The following WRN variants were observed in gnomAD, a reference collection of about 807,000 sequenced individuals.
The protein encoded by WRN is WRN RecQ like helicase.
Under a neutral mutation model 180.7 loss-of-function variants are expected in WRN, and 149 were observed. The ratio of observed to expected loss-of-function variants is 0.82; its 90% CI spans 0.72 to 0.94. The LOEUF is 0.94. Ranked by LOEUF, WRN falls within the 40% of genes least tolerant of loss-of-function variation. WRN has a pLI of 0.00. For missense variants in WRN, 1,661 were observed against 1,700.1 expected, an observed-to-expected ratio of 0.98 and a Z score of 0.40; for synonymous variants, 548 against 568.9, an observed-to-expected ratio of 0.96 and a Z score of 0.52.
At chr8:31,076,831 C>T (rs1282254181) in intron 8 of WRN, among the ~76,000 whole-genome samples, 1 of 152,102 alleles carries the variant, frequency 6.6e-6, no homozygotes, top group Non-Finnish European at 1.5e-5. Context: ...ATGGTTAAAG[C>T]ACTAGGTAAC....
intron 1 of WRN, among the ~76,000 whole-genome samples, chr8:31,038,987 T>C (rs1811550020): frequency 6.6e-6 from 1 of 152,230 alleles, no homozygotes; most frequent in Non-Finnish European, 1.5e-5. Flanking sequence ...AGCTTTGTAG[T>C]AAGTTTAGAA....
At chr8:31,115,135 A>G (rs1801471067) in intron 19 of WRN, among the ~76,000 whole-genome samples, 1 of 152,106 alleles carries the variant, frequency 6.6e-6, no homozygotes, top group African/African-American at 2.4e-5. Flanking sequence ...AGCTCAGGTA[A>G]TCCGCCCGCC....
At chr8:31,040,741 A>G (rs1392929329) in intron 1 of WRN, among the ~76,000 whole-genome samples, 3 of 152,164 alleles carry the variant, frequency 2.0e-5, no homozygotes, top group Non-Finnish European at 4.4e-5. Flanking sequence ...GTGGAAACAG[A>G]GATGCTATTA....
rs1811336338 is a variant in WRN, at chr8:31,033,845, C to CTCG, written c.-204_-202dup. 1 of 152,330 alleles carries CTCG rather than the reference C, an allele frequency of 6.6e-6. No individual in the cohort carries two copies. Among genetic ancestry groups the CTCG allele is most frequent in the Non-Finnish European group, 1.5e-5 (1 of 68,146 alleles). The allele number at this position is 152,330 out of a possible 1,614,324, so 9.4% of individuals were successfully genotyped here. A position where few individuals can be genotyped will look rare whatever the true frequency, so the allele number is the denominator to read the frequency against. On this transcript the variant is annotated 5_prime_UTR_variant, in exon 1 of 35. Coordinates refer to ENST00000298139, the MANE Select transcript of WRN (RefSeq NM_000553.6). ...TGCGCCGGGGAGGCGCCGGCTTGTA[C>CTCG]TCGGCAGCGCGGGAATAAAGTTTGC...
intron 23 of WRN, among the ~76,000 whole-genome samples, chr8:31,127,883 T>C (rs1801989938): frequency 2.0e-5 from 3 of 152,108 alleles, no homozygotes; most frequent in Admixed American, 6.5e-5. Context: ...TGAGCCATGA[T>C]GGCACCACTA....
At chr8:31,076,054 TGGAA>T in intron 7 of WRN, 115 bp from the exon 8 acceptor site, 1 of 824,536 alleles carries the variant, frequency 1.2e-6, no homozygotes, top group South Asian at 1.5e-5. Flanking sequence ...GTCTTTTTGT[TGGAA>T]TTCATTTAAG....
chr8:31,155,605 G>A (rs891716370), intron 32 of WRN, among the ~76,000 whole-genome samples: 1 of 139,088 alleles, frequency 7.2e-6, no homozygotes, highest in African/African-American at 2.7e-5. Context: ...CTGGGCGACC[G>A]AGCAAGACTC....
intron 20 of WRN, among the ~76,000 whole-genome samples, chr8:31,119,553 T>C (rs1444872340): frequency 6.6e-6 from 1 of 152,014 alleles, no homozygotes; most frequent in Non-Finnish European, 1.5e-5. Context: ...CTAATATGTT[T>C]ATGTCATAAT....
chr8:31,163,695 A>G (rs1803727342), intron 33 of WRN, among the ~76,000 whole-genome samples: 1 of 152,176 alleles, frequency 6.6e-6, no homozygotes, highest in Non-Finnish European at 1.5e-5. Context: ...CAAGCAGAAT[A>G]TAATAATGAA....
At chr8:31,151,513 T>C (rs537412831) in intron 31 of WRN, among the ~76,000 whole-genome samples, 2 of 152,350 alleles carry the variant, frequency 1.3e-5, no homozygotes, top group Admixed American at 6.5e-5. Flanking sequence ...TCTTATTTCT[T>C]ACTGAGTTTT....
At chr8:31,123,068 AT>A (rs1293497079) in intron 21 of WRN, among the ~76,000 whole-genome samples, 9 of 151,790 alleles carry the variant, frequency 5.9e-5, no homozygotes. Flanking sequence ...GAAATAAACA[AT>A]TTATAAATTT....
chr8:31,106,374 G>A (rs1227831941), intron 18 of WRN, among the ~76,000 whole-genome samples: 4 of 151,902 alleles, frequency 2.6e-5, no homozygotes, highest in African/African-American at 9.7e-5. Flanking sequence ...CTAGTAGCAT[G>A]CCATTTCATT....
rs770117143 is a variant in WRN, at chr8:31,142,701, G to C, written c.3309G>C (p.Lys1103Asn). ...CAGTTGAATTAAGTACAGAGAAGAA[G>C]GTTTGTTTTAAAGAAATTGTTCTGA... ...QVPVELSTEK[K>N]SNLEKLYSYK... Residue 1103 changes from lysine (K) to asparagine (N), a missense_variant and splice_region_variant, in exon 27 of 35, where the codon AAG (lysine) becomes AAC (asparagine). Around this residue, in one of 3 missense-constraint regions of WRN, gnomAD observed 1,141 missense variants for 1,149.4 expected, o/e 0.99. Coordinates refer to ENST00000298139, the MANE Select transcript of WRN (RefSeq NM_000553.6). 1 of 1,597,950 alleles carries C rather than the reference G, an allele frequency of 6.3e-7. No homozygotes were observed. Among genetic ancestry groups the C allele is most frequent in the Non-Finnish European group, 8.5e-7 (1 of 1,171,474 alleles).
intron 5 of WRN, among the ~76,000 whole-genome samples, chr8:31,066,377 G>A (rs534056508): frequency 7.9e-5 from 12 of 151,850 alleles, no homozygotes; most frequent in African/African-American, 2.4e-4. Flanking sequence ...TAGTAGAGAC[G>A]AGGTTTCACC....
At chr8:31,153,017 T>C (rs1803199338) in intron 31 of WRN, among the ~76,000 whole-genome samples, 1 of 149,894 alleles carries the variant, frequency 6.7e-6, no homozygotes, top group South Asian at 2.1e-4. Context: ...TACTCCAGCC[T>C]GAGTGATAGA....
intron 8 of WRN, among the ~76,000 whole-genome samples, chr8:31,079,964 C>G (rs963662508): frequency 2.0e-5 from 3 of 152,070 alleles, no homozygotes; most frequent in African/African-American, 7.2e-5. Flanking sequence ...CACTGGGGCC[C>G]CTACCTACGG....
At chr8:31,094,348 CTTTT>C (rs780787702) in intron 16 of WRN, among the ~76,000 whole-genome samples, 1 of 140,292 alleles carries the variant, frequency 7.1e-6, no homozygotes, top group Admixed American at 7.2e-5. Context: ...TCTTTTCTTT[CTTTT>C]TTTTTTTTTT....
intron 31 of WRN, 138 bp from the exon 32 acceptor site, chr8:31,154,486 C>T (rs1803291815): frequency 3.0e-6 from 3 of 985,478 alleles, no homozygotes; most frequent in African/African-American, 3.3e-5. Flanking sequence ...TCTTTTTGAG[C>T]TCCCCATAAA....
chr8:31,104,908 G>A (rs1224619983), intron 18 of WRN, among the ~76,000 whole-genome samples: 2 of 152,168 alleles, frequency 1.3e-5, no homozygotes, highest in Non-Finnish European at 2.9e-5. Flanking sequence ...CGAGGCAATG[G>A]TGCCTTCTGA....
Sources: allele counts gnomAD v4.1 joint callset (sites outside exome capture counted in the v4.1 genomes callset), GRCh38; gene constraint gnomAD v4.1.1; regional missense constraint gnomAD v4.1.1; transcripts MANE v1.5; gene names NCBI Gene and HGNC (gene_info 2026-07-23, HGNC 2026-07-21).